Variants in HMBOX1 observed in about 807,000 individuals in gnomAD.
The protein encoded by HMBOX1 is homeobox-containing protein 1.
A neutral mutation model predicts 54.5 loss-of-function variants in HMBOX1; 14 were observed. That is an observed-to-expected ratio of 0.26 (90% CI 0.17 to 0.40). The LOEUF is 0.40. HMBOX1 is among the 10% of genes least tolerant of loss of function. The pLI is 1.00. For missense variants in HMBOX1, 332 were observed against 514.4 expected, an observed-to-expected ratio of 0.65 and a Z score of 3.43; for synonymous variants, 160 against 181.0, an observed-to-expected ratio of 0.88 and a Z score of 0.93.
chr8:28,891,293 T>G (rs1810885369), intron 1 of HMBOX1: 1 of 152,256 alleles, frequency 6.6e-6, no homozygotes, highest in Non-Finnish European at 1.5e-5. Flanking sequence ...CCTGGACGAA[T>G]CTCCACCCCA....
chr8:29,043,043 G>A (rs1292316377), intron 6 of HMBOX1, among the ~76,000 whole-genome samples: 2 of 152,140 alleles, frequency 1.3e-5, no homozygotes, highest in East Asian at 1.9e-4. Flanking sequence ...GAAAACAGAT[G>A]GGAGTATATC....
intron 1 of HMBOX1, among the ~76,000 whole-genome samples, chr8:28,935,555 A>G (rs1820260390): frequency 6.6e-6 from 1 of 152,226 alleles, no homozygotes; most frequent in Non-Finnish European, 1.5e-5. Flanking sequence ...TGAGTAGATT[A>G]TAGTCCTAAA....
chr8:29,039,808 AGG>A (rs1441930982), intron 6 of HMBOX1, among the ~76,000 whole-genome samples: 2 of 152,274 alleles, frequency 1.3e-5, no homozygotes, highest in Non-Finnish European at 2.9e-5. Flanking sequence ...GTGTGGTCCT[AGG>A]GTGGCCACAT....
At chr8:28,924,189 C>A (rs867225325) in intron 1 of HMBOX1, among the ~76,000 whole-genome samples, 1 of 151,186 alleles carries the variant, frequency 6.6e-6, no homozygotes, top group Non-Finnish European at 1.5e-5. Flanking sequence ...TCACTGCAAG[C>A]TCCGCCTCCC....
At chr8:29,000,720 G>A (rs1476223300) in intron 4 of HMBOX1, among the ~76,000 whole-genome samples, 1 of 152,194 alleles carries the variant, frequency 6.6e-6, no homozygotes, top group Non-Finnish European at 1.5e-5. Context: ...TCTTAGAAGG[G>A]TGTTTTGAGG....
intron 4 of HMBOX1, among the ~76,000 whole-genome samples, chr8:29,005,545 A>G (rs540838158): frequency 1.3e-5 from 2 of 152,182 alleles, no homozygotes; most frequent in Non-Finnish European, 2.9e-5. Flanking sequence ...TTGAAACTAC[A>G]TAGAATTTTA....
At chr8:28,925,360 T>G (rs1190889878) in intron 1 of HMBOX1, among the ~76,000 whole-genome samples, 1 of 152,194 alleles carries the variant, frequency 6.6e-6, no homozygotes, top group South Asian at 2.1e-4. Flanking sequence ...AGAAAACTGT[T>G]TTGTTTTTTT....
chr8:29,024,423 C>T (rs1230669235), intron 6 of HMBOX1, among the ~76,000 whole-genome samples: 6 of 152,090 alleles, frequency 3.9e-5, no homozygotes, highest in African/African-American at 9.7e-5. Context: ...TGTTGGCATT[C>T]GGGCCTTATG....
intron 1 of HMBOX1, among the ~76,000 whole-genome samples, chr8:28,933,720 T>G (rs1819895892): frequency 6.6e-6 from 1 of 152,218 alleles, no homozygotes; most frequent in Non-Finnish European, 1.5e-5. Flanking sequence ...GATTTCTTGA[T>G]GGACACAAAT....
intron 4 of HMBOX1, among the ~76,000 whole-genome samples, chr8:28,981,678 T>G (rs1043184321): frequency 3.9e-5 from 6 of 152,162 alleles, no homozygotes; most frequent in Non-Finnish European, 8.8e-5. Context: ...GAATCTTGAA[T>G]CATTTAGGAC....
intron 3 of HMBOX1, among the ~76,000 whole-genome samples, chr8:28,973,814 T>TTTTTTTTTTG (rs1827896013): frequency 9.8e-5 from 2 of 20,480 alleles, no homozygotes; most frequent in Admixed American, 1.2e-3. Flanking sequence ...TTTTTTTTTT[T>TTTTTTTTTTG]TTTTTTTTTT....
intron 4 of HMBOX1, among the ~76,000 whole-genome samples, chr8:29,000,874 A>T (rs1466432878): frequency 6.6e-6 from 1 of 152,210 alleles, no homozygotes; most frequent in Non-Finnish European, 1.5e-5. Context: ...GTCACATGCT[A>T]TTCTTACCAA....
chr8:28,975,009 AAAT>A (rs1828137319), intron 3 of HMBOX1, among the ~76,000 whole-genome samples: 2 of 152,218 alleles, frequency 1.3e-5, no homozygotes, highest in African/African-American at 4.8e-5. Context: ...GAGCTACTAT[AAAT>A]AATTCTTTTC....
chr8:28,963,970 A>G (rs1826031249), intron 2 of HMBOX1, 80 bp downstream of exon 2: 29 of 1,113,868 alleles, frequency 2.6e-5, no homozygotes, highest in Non-Finnish European at 3.1e-5. Flanking sequence ...TATGATCCAG[A>G]TTTGACAACA....
intron 1 of HMBOX1, among the ~76,000 whole-genome samples, chr8:28,943,728 A>G (rs767618445): frequency 3.3e-5 from 5 of 152,194 alleles, no homozygotes; most frequent in Admixed American, 6.5e-5. Context: ...ATAACCTTCA[A>G]TGATAAATGA....
intron 4 of HMBOX1, among the ~76,000 whole-genome samples, chr8:28,997,989 C>T (rs369090835): frequency 1.3e-5 from 2 of 152,030 alleles, no homozygotes; most frequent in East Asian, 3.8e-4. Flanking sequence ...GGTGTATGTG[C>T]TTTAATTATT....
intron 4 of HMBOX1, among the ~76,000 whole-genome samples, chr8:28,989,708 T>G (rs1328566184): frequency 1.3e-5 from 2 of 152,226 alleles, no homozygotes; most frequent in East Asian, 1.9e-4. Flanking sequence ...TTATGTACAT[T>G]TTAAAACTAG....
chr8:29,015,325 A>G (rs1243798213), intron 5 of HMBOX1, among the ~76,000 whole-genome samples: 2 of 152,040 alleles, frequency 1.3e-5, no homozygotes, highest in East Asian at 1.9e-4. Context: ...TCACTGACCT[A>G]TTGCCCACCC....
intron 1 of HMBOX1, among the ~76,000 whole-genome samples, chr8:28,957,865 C>T (rs1042863719): frequency 2.0e-5 from 3 of 152,046 alleles, no homozygotes; most frequent in Non-Finnish European, 4.4e-5. Context: ...TCAAGTGGTT[C>T]GCCCGCCTCA....
Sources: allele counts gnomAD v4.1 joint callset (sites outside exome capture counted in the v4.1 genomes callset), GRCh38; gene constraint gnomAD v4.1.1; transcripts MANE v1.5; gene names NCBI Gene and HGNC (gene_info 2026-07-23, HGNC 2026-07-21).